The following KIRREL1 variants were observed in gnomAD, a reference collection of about 807,000 sequenced individuals.
The protein encoded by KIRREL1 is kirre like nephrin family adhesion molecule 1.
In KIRREL1, 25 loss-of-function variants were observed where a neutral mutation model predicts 83.3. The ratio of observed to expected loss-of-function variants is 0.30; its 90% CI spans 0.22 to 0.42. KIRREL1 has a LOEUF of 0.42. KIRREL1 is among the 10% of genes least tolerant of loss of function. KIRREL1 has a pLI of 1.00. For missense variants in KIRREL1, 812 were observed against 1,032.3 expected (o/e 0.79, Z 2.92); for synonymous variants, 388 against 410.4 (o/e 0.95, Z 0.66).
chr1:158,088,212 G>A, intron 7 of KIRREL1, 58 bp downstream of exon 7: 2 of 1,613,084 alleles, frequency 1.2e-6, no homozygotes, highest in Non-Finnish European at 1.7e-6. Context: ...AAAGGGCCTT[G>A]GACAGAGTCG....
chr1:158,059,617 G>A (rs1207023071), intron 1 of KIRREL1, among the ~76,000 whole-genome samples: 1 of 152,128 alleles, frequency 6.6e-6, no homozygotes, highest in Non-Finnish European at 1.5e-5. Flanking sequence ...TAGGAAAGTG[G>A]CCTTTAGGAT....
intron 1 of KIRREL1, among the ~76,000 whole-genome samples, chr1:157,998,119 C>G (rs1659256079): frequency 6.6e-6 from 1 of 152,190 alleles, no homozygotes; most frequent in Non-Finnish European, 1.5e-5. Context: ...CTTCTTACAT[C>G]TCGGCTTCCC....
At chr1:158,033,140 G>A (rs1452331247) in intron 1 of KIRREL1, among the ~76,000 whole-genome samples, 1 of 151,986 alleles carries the variant, frequency 6.6e-6, no homozygotes, top group African/African-American at 2.4e-5. Flanking sequence ...GCAATGGCGC[G>A]ATCTTGCTGC....
intron 1 of KIRREL1, among the ~76,000 whole-genome samples, chr1:158,045,626 A>G (rs1660759169): frequency 1.3e-5 from 2 of 152,176 alleles, no homozygotes. Context: ...CTGCACATCA[A>G]TGTGTGTACC....
intron 1 of KIRREL1, among the ~76,000 whole-genome samples, chr1:158,074,662 G>T (rs934702867): frequency 6.6e-6 from 1 of 152,198 alleles, no homozygotes. Flanking sequence ...AAGGAATTGG[G>T]CTAGGAGGGC....
chr1:158,099,239 G>A lies in KIRREL1; in HGVS notation c.*4119G>A, dbSNP rs1381679913. The A allele has an allele frequency of 6.6e-6, 1 of 152,232 alleles. No individual in the cohort carries two copies. Among genetic ancestry groups the A allele is most frequent in the Non-Finnish European group, 1.5e-5 (1 of 68,046 alleles). The allele number at this position is 152,232 out of a possible 1,614,324, so 9.4% of individuals were successfully genotyped here. A position where few individuals can be genotyped will look rare whatever the true frequency, so the allele number is the denominator to read the frequency against. The stretch of plus-strand genomic sequence containing the variant: ...TAGTGAAGCTCCTGACCCTGGCGAG[G>A]CCATAATGAACACTGAAGTGCACAG... On this transcript the variant is annotated 3_prime_UTR_variant, in exon 15 of 15. Transcript: ENST00000359209.
chr1:158,003,586 TCGTGGCTGGCTGTGCTGCCAGCG>T (rs1336785069), intron 1 of KIRREL1, among the ~76,000 whole-genome samples: 3 of 151,944 alleles, frequency 2.0e-5, no homozygotes, highest in Non-Finnish European at 4.4e-5. Context: ...ACACACACAC[TCGTGGCTGGCTGTGCTGCCAGCG>T]CCAGAACCCT....
chr1:158,045,499 C>T (rs973053883), intron 1 of KIRREL1, among the ~76,000 whole-genome samples: 3 of 152,170 alleles, frequency 2.0e-5, no homozygotes, highest in South Asian at 2.1e-4. Flanking sequence ...AGTTTTATTA[C>T]ACAGGATATA....
chr1:157,998,301 A>G (rs1659261447), intron 1 of KIRREL1, among the ~76,000 whole-genome samples: 1 of 152,190 alleles, frequency 6.6e-6, no homozygotes, highest in Non-Finnish European at 1.5e-5. Context: ...TGGGACAGGG[A>G]TTTTCCTGGT....
intron 1 of KIRREL1, among the ~76,000 whole-genome samples, chr1:158,023,257 A>G (rs1041105588): frequency 6.6e-6 from 1 of 152,158 alleles, no homozygotes; most frequent in Non-Finnish European, 1.5e-5. Context: ...TTGTCTACAA[A>G]AAAACTCCCT....
chr1:158,060,156 A>T (rs1661174714), intron 1 of KIRREL1, among the ~76,000 whole-genome samples: 1 of 152,134 alleles, frequency 6.6e-6, no homozygotes, highest in East Asian at 1.9e-4. Flanking sequence ...GCTGGTGATC[A>T]GCCCCTTCCC....
chr1:158,050,824 C>G (rs923981536), intron 1 of KIRREL1, among the ~76,000 whole-genome samples: 2 of 152,172 alleles, frequency 1.3e-5, no homozygotes, highest in African/African-American at 4.8e-5. Context: ...TAAATTATCT[C>G]ATGTAGATTT....
intron 1 of KIRREL1, among the ~76,000 whole-genome samples, chr1:158,061,705 AG>A (rs543906327): frequency 5.1e-4 from 78 of 152,332 alleles, no homozygotes; most frequent in African/African-American, 1.8e-3. Flanking sequence ...CCCCCAGATC[AG>A]CAGAATTTGG....
chr1:158,047,812 G>A (rs1023900304), intron 1 of KIRREL1, among the ~76,000 whole-genome samples: 17 of 152,280 alleles, frequency 1.1e-4, no homozygotes, highest in South Asian at 8.3e-4. Flanking sequence ...ATAATTTGCC[G>A]TCTCCCTTCT....
chr1:158,075,636 T>C (rs949727455), intron 1 of KIRREL1, among the ~76,000 whole-genome samples: 2 of 152,126 alleles, frequency 1.3e-5, no homozygotes, highest in African/African-American at 2.4e-5. Flanking sequence ...TCCCATCAGC[T>C]CACATGACAC....
At chr1:158,090,885 G>A (rs1006333449) in intron 10 of KIRREL1, among the ~76,000 whole-genome samples, 1 of 152,212 alleles carries the variant, frequency 6.6e-6, no homozygotes, top group Non-Finnish European at 1.5e-5. Flanking sequence ...ATAAGGCCTA[G>A]AAAGGGACAG....
rs545417243 is a variant in KIRREL1, at chr1:158,038,248, T to G, written c.53-37865T>G. Reference sequence around the variant, plus strand: ...CTCAATTCAGCAAATGTTTATTGAGTCTTCCACTCTGTGCCCCGCACTGCT... The same window carrying G: ...CTCAATTCAGCAAATGTTTATTGAGGCTTCCACTCTGTGCCCCGCACTGCT... On this transcript the variant is annotated intron_variant, in intron 1 of 14. Transcript: ENST00000359209. Among the ~76,000 whole-genome samples, 13 of 152,286 alleles carry G rather than the reference T, an allele frequency of 8.5e-5. No homozygotes were observed. In the East Asian group the frequency reaches 2.5e-3, roughly 29 times the overall value.
chr1:158,084,624 G>C, intron 4 of KIRREL1, 45 bp downstream of exon 4: 3 of 1,539,168 alleles, frequency 1.9e-6, no homozygotes, highest in African/African-American at 2.7e-5. Context: ...GCCTAGCCCA[G>C]CTCACCTCTC....
intron 1 of KIRREL1, among the ~76,000 whole-genome samples, chr1:158,075,123 G>A (rs180855171): frequency 1.8e-4 from 27 of 152,336 alleles, no homozygotes; most frequent in African/African-American, 6.5e-4. Context: ...TCTGCAAGGA[G>A]CCTAGGCCTG....
Sources: allele counts gnomAD v4.1 joint callset (sites outside exome capture counted in the v4.1 genomes callset), GRCh38; gene constraint gnomAD v4.1.1; transcripts MANE v1.5; gene names NCBI Gene and HGNC (gene_info 2026-07-23, HGNC 2026-07-21).